RALYL: variants seen among roughly 807,000 people sequenced by gnomAD.
RALYL encodes the protein RALY RNA binding protein like, also known as RNA-binding Raly-like protein.
A neutral mutation model predicts 35.1 loss-of-function variants in RALYL; 29 were observed. That is an observed-to-expected ratio of 0.83 (90% CI 0.61 to 1.13). RALYL has a LOEUF of 1.13. Ranked by LOEUF, RALYL falls within the 50% of genes most tolerant of loss-of-function variation. The pLI is 0.00. For missense variants in RALYL, 359 were observed against 360.4 expected (o/e 1.00, Z 0.03); for synonymous variants, 120 against 127.6 (o/e 0.94, Z 0.40).
At chr8:84,434,638 T>G (rs2047505652) in intron 1 of RALYL, among the ~76,000 whole-genome samples, 1 of 152,050 alleles carries the variant, frequency 6.6e-6, no homozygotes, top group Admixed American at 6.6e-5. Context: ...AATCAAAGAG[T>G]ATTCATATCA....
chr8:84,335,157 ATACTC>A, intron 1 of RALYL, among the ~76,000 whole-genome samples: 1 of 152,266 alleles, frequency 6.6e-6, no homozygotes, highest in Admixed American at 6.5e-5. Context: ...AGTTCAAAGA[ATACTC>A]TAGTGGAACA....
intron 1 of RALYL, among the ~76,000 whole-genome samples, chr8:84,349,972 C>T (rs183513608): frequency 2.0e-5 from 3 of 150,566 alleles, no homozygotes; most frequent in African/African-American, 4.9e-5. Context: ...AAAATATAAA[C>T]AACTTCTTCC....
chr8:84,403,810 C>T (rs1263576781), intron 1 of RALYL, among the ~76,000 whole-genome samples: 1 of 151,954 alleles, frequency 6.6e-6, no homozygotes, highest in Non-Finnish European at 1.5e-5. Context: ...TCTTCCTATC[C>T]ATGAGCATGG....
chr8:84,744,469 T>C (rs1246476078), intron 2 of RALYL, among the ~76,000 whole-genome samples: 2 of 152,020 alleles, frequency 1.3e-5, no homozygotes, highest in Non-Finnish European at 2.9e-5. Context: ...AAGCCACTCT[T>C]AAAGAGACAA....
chr8:84,752,453 G>A (rs779543468), intron 2 of RALYL, among the ~76,000 whole-genome samples: 2 of 152,210 alleles, frequency 1.3e-5, no homozygotes, highest in Non-Finnish European at 2.9e-5. Context: ...CCCATTTTCA[G>A]TGGAGGAATT....
chr8:84,247,534 A>T (rs576898838), intron 1 of RALYL, among the ~76,000 whole-genome samples: 2,867 of 144,058 alleles, frequency 0.02, 39 homozygotes, highest in South Asian at 0.032. Flanking sequence ...TTTTAAATTT[A>T]AAAAAAAAAA....
chr8:84,607,512 T>C (rs577081105), intron 2 of RALYL, among the ~76,000 whole-genome samples: 1 of 152,160 alleles, frequency 6.6e-6, no homozygotes, highest in East Asian at 1.9e-4. Context: ...AGTTTAGATA[T>C]CTGACAGTTT....
At chr8:84,771,898 G>A (rs770517586) in intron 2 of RALYL, among the ~76,000 whole-genome samples, 2 of 151,952 alleles carry the variant, frequency 1.3e-5, no homozygotes, top group Non-Finnish European at 2.9e-5. Flanking sequence ...TAAGGTTAGC[G>A]ATTTTTTATG....
chr8:84,363,639 C>T (rs1853571791), intron 1 of RALYL, among the ~76,000 whole-genome samples: 1 of 152,112 alleles, frequency 6.6e-6, no homozygotes, highest in Admixed American at 6.5e-5. Context: ...GGCCTTTGAT[C>T]TAACTCTTTC....
intron 1 of RALYL, among the ~76,000 whole-genome samples, chr8:84,388,849 A>G (rs1211588971): frequency 6.6e-6 from 1 of 152,076 alleles, no homozygotes; most frequent in African/African-American, 2.4e-5. Context: ...TAGTTTAATT[A>G]GATCCCATTT....
At chr8:84,235,084 A>G (rs1826214185) in intron 1 of RALYL, among the ~76,000 whole-genome samples, 1 of 152,150 alleles carries the variant, frequency 6.6e-6, no homozygotes, top group Non-Finnish European at 1.5e-5. Flanking sequence ...TTTTAGAAAT[A>G]GAAATGTTTT....
chr8:84,643,899 C>T (rs1004819077), intron 2 of RALYL, among the ~76,000 whole-genome samples: 1 of 151,944 alleles, frequency 6.6e-6, no homozygotes, highest in Non-Finnish European at 1.5e-5. Flanking sequence ...CCATGATCCT[C>T]CTGAAATGCA....
intron 1 of RALYL, among the ~76,000 whole-genome samples, chr8:84,262,006 A>G (rs1182350465): frequency 6.6e-6 from 1 of 152,116 alleles, no homozygotes; most frequent in African/African-American, 2.4e-5. Context: ...TATTAAACTC[A>G]AAGTTATATA....
At chr8:84,789,032 G>A (rs1245269715) in intron 3 of RALYL, among the ~76,000 whole-genome samples, 1 of 152,178 alleles carries the variant, frequency 6.6e-6, no homozygotes, top group African/African-American at 2.4e-5. Context: ...TGCTTTGAAA[G>A]GACATAGCGT....
chr8:84,848,785 T>C (rs759278406), intron 4 of RALYL, among the ~76,000 whole-genome samples: 1 of 152,128 alleles, frequency 6.6e-6, no homozygotes, highest in Non-Finnish European at 1.5e-5. Flanking sequence ...ATTAGAATAG[T>C]AAATATGGAG....
At chr8:84,648,529 G>A (rs1262562678) in intron 2 of RALYL, among the ~76,000 whole-genome samples, 2 of 151,738 alleles carry the variant, frequency 1.3e-5, no homozygotes, top group African/African-American at 4.8e-5. Flanking sequence ...CCTTTTCCCT[G>A]GCCATGCTAA....
chr8:84,385,676 T>C (rs751433460), intron 1 of RALYL, among the ~76,000 whole-genome samples: 2 of 151,880 alleles, frequency 1.3e-5, no homozygotes, highest in Non-Finnish European at 2.9e-5. Context: ...AGAACTTGAT[T>C]GAACAGTTCA....
chr8:84,282,416 A>G (rs1240978220), intron 1 of RALYL, among the ~76,000 whole-genome samples: 9 of 152,062 alleles, frequency 5.9e-5, no homozygotes, highest in Non-Finnish European at 1.0e-4. Flanking sequence ...TTTTGAGTAA[A>G]TAAAACAATA....
chr8:84,388,984 T>C (rs3993398), intron 1 of RALYL, among the ~76,000 whole-genome samples: 4,540 of 152,280 alleles, frequency 0.03, 114 homozygotes, highest in East Asian at 0.13. Flanking sequence ...AGGTCTAACA[T>C]GTAAGTCTTT....
Sources: gnomAD v4.1 joint callset for allele counts (sites outside exome capture counted in the v4.1 genomes callset) on GRCh38, gnomAD v4.1.1 for gene constraint, MANE v1.5 for transcripts, NCBI Gene and HGNC (gene_info 2026-07-23, HGNC 2026-07-21) for gene names.